Variants in TASP1 observed in about 807,000 individuals in gnomAD.
TASP1 encodes taspase 1, also known as threonine aspartase 1.
Under a neutral mutation model 56.6 loss-of-function variants are expected in TASP1, and 16 were observed. That is an observed-to-expected ratio of 0.28 (90% confidence interval 0.19 to 0.43). TASP1 has a LOEUF of 0.43. Ranked by LOEUF, TASP1 falls within the 20% of genes least tolerant of loss-of-function variation. TASP1 has a pLI of 1.00. For synonymous variants in TASP1, 179 were observed against 184.2 expected (o/e 0.97, Z 0.23); for missense variants, 393 against 511.6 (o/e 0.77, Z 2.24).
At chr20:13,123,441 G>A in the TASP1 span, among the ~76,000 whole-genome samples, 5 of 152,008 alleles carry the variant, frequency 3.3e-5, no homozygotes, top group Non-Finnish European at 7.4e-5. Context: ...CATAAACTCC[G>A]AGGTAAGTAT....
the TASP1 span, among the ~76,000 whole-genome samples, chr20:13,360,166 C>T: frequency 3.2e-4 from 49 of 152,072 alleles, no homozygotes; most frequent in East Asian, 5.8e-4. Context: ...TCAATACCTG[C>T]CTCTACAACC....
At chr20:13,609,934 C>CA (rs1422371312) in intron 4 of TASP1, among the ~76,000 whole-genome samples, 2 of 152,022 alleles carry the variant, frequency 1.3e-5, no homozygotes, top group Non-Finnish European at 2.9e-5. Context: ...ACTGCTCCTC[C>CA]AAAAAATGAA....
At chr20:13,550,219 G>C (rs1054984109) in intron 8 of TASP1, among the ~76,000 whole-genome samples, 1 of 149,820 alleles carries the variant, frequency 6.7e-6, no homozygotes, top group Non-Finnish European at 1.5e-5. Flanking sequence ...ATCAAAGGTC[G>C]AAAGTTTTAG....
the TASP1 span, among the ~76,000 whole-genome samples, chr20:13,357,501 C>T: frequency 0.03 from 4,549 of 152,238 alleles, 102 homozygotes; most frequent in Non-Finnish European, 0.047. Flanking sequence ...CTGTTAAATT[C>T]CCTTTTCTCT....
chr20:13,340,822 T>G, the TASP1 span, among the ~76,000 whole-genome samples: 2 of 152,352 alleles, frequency 1.3e-5, no homozygotes, highest in Admixed American at 1.3e-4. Flanking sequence ...ATGATTTTAC[T>G]CTTATAATGA....
chr20:13,633,168 G>A (rs2049160802), intron 1 of TASP1, among the ~76,000 whole-genome samples: 1 of 152,026 alleles, frequency 6.6e-6, no homozygotes, highest in South Asian at 2.1e-4. Context: ...GAGAAAACTT[G>A]ATAAACATAT....
the TASP1 span, among the ~76,000 whole-genome samples, chr20:13,380,163 T>G: frequency 6.6e-6 from 1 of 152,266 alleles, no homozygotes; most frequent in African/African-American, 2.4e-5. Context: ...TTCTGGTTTT[T>G]GGAATTTTCA....
chr20:13,519,053 A>G (rs1431945402), intron 10 of TASP1, among the ~76,000 whole-genome samples: 2 of 152,168 alleles, frequency 1.3e-5, no homozygotes, highest in African/African-American at 2.4e-5. Flanking sequence ...GGAGGTCATT[A>G]TCCTAAGCAA....
chr20:13,597,151 A>G (rs992916365), intron 4 of TASP1, among the ~76,000 whole-genome samples: 15 of 152,344 alleles, frequency 9.8e-5, no homozygotes, highest in African/African-American at 3.6e-4. Context: ...CAATCAATAG[A>G]AAAAGAGAGA....
chr20:13,441,932 T>A (rs1382620121), intron 11 of TASP1, among the ~76,000 whole-genome samples: 1 of 152,194 alleles, frequency 6.6e-6, no homozygotes, highest in Non-Finnish European at 1.5e-5. Context: ...CATGGCCATA[T>A]CATTAAACAA....
chr20:13,506,689 C>T (rs756795043), intron 10 of TASP1, among the ~76,000 whole-genome samples: 4 of 152,024 alleles, frequency 2.6e-5, no homozygotes, highest in Non-Finnish European at 5.9e-5. Context: ...GAAAATTCAA[C>T]ATGCTTTCAT....
At chr20:13,632,616 C>T (rs988380769) in intron 1 of TASP1, among the ~76,000 whole-genome samples, 31 of 152,128 alleles carry the variant, frequency 2.0e-4, no homozygotes, top group African/African-American at 7.5e-4. Context: ...TCTCAACAAA[C>T]CCCTCCAAAA....
At chr20:13,148,481 C>T in the TASP1 span, among the ~76,000 whole-genome samples, 25 of 152,216 alleles carry the variant, frequency 1.6e-4, no homozygotes, top group Non-Finnish European at 2.9e-4. Context: ...ATGTAGCTGT[C>T]GGGAGAGCAG....
chr20:13,152,233 A>G, the TASP1 span, among the ~76,000 whole-genome samples: 1 of 152,154 alleles, frequency 6.6e-6, no homozygotes, highest in African/African-American at 2.4e-5. Flanking sequence ...TCTTACACTA[A>G]TTTGGTTGTT....
At chr20:13,517,623 C>A (rs115683252) in intron 10 of TASP1, among the ~76,000 whole-genome samples, 1 of 152,028 alleles carries the variant, frequency 6.6e-6, no homozygotes, top group Non-Finnish European at 1.5e-5. Flanking sequence ...AAAATCTACT[C>A]ATTTAAAATC....
the TASP1 span, among the ~76,000 whole-genome samples, chr20:13,337,902 G>A: frequency 6.6e-6 from 1 of 152,202 alleles, no homozygotes; most frequent in Non-Finnish European, 1.5e-5. Context: ...AAAGGGGGTT[G>A]AGCAAGGCTG....
intron 9 of TASP1, among the ~76,000 whole-genome samples, chr20:13,532,961 C>T (rs2045279213): frequency 6.6e-6 from 1 of 152,190 alleles, no homozygotes; most frequent in Non-Finnish European, 1.5e-5. Context: ...AGTAATCATT[C>T]CCTATACAGC....
the TASP1 span, among the ~76,000 whole-genome samples, chr20:13,221,287 C>T: frequency 9.2e-5 from 13 of 141,296 alleles, no homozygotes; most frequent in East Asian, 2.1e-3. Flanking sequence ...CTCCTCCTCC[C>T]CGCGCTTCTC....
At chr20:13,459,324 T>G (rs1053978502) in intron 11 of TASP1, among the ~76,000 whole-genome samples, 2 of 152,114 alleles carry the variant, frequency 1.3e-5, no homozygotes, top group African/African-American at 4.8e-5. Context: ...TACCTTCTGG[T>G]TCCCAGACTC....
Sources: allele counts gnomAD v4.1 joint callset (sites outside exome capture counted in the v4.1 genomes callset), GRCh38; gene constraint gnomAD v4.1.1; transcripts MANE v1.5; gene names NCBI Gene and HGNC (gene_info 2026-07-23, HGNC 2026-07-21).